The following CLVS1 variants were observed in gnomAD, a reference collection of about 807,000 sequenced individuals.
CLVS1 encodes the protein clavesin-1.
CLVS1 carries 10 observed loss-of-function variants against 33.1 expected under a neutral mutation model. The observed-to-expected ratio is 0.30, with a 90% CI of 0.19 to 0.51. CLVS1 has a LOEUF of 0.51. CLVS1 is among the 20% of genes least tolerant of loss of function. The pLI is 0.97. For synonymous variants in CLVS1, 163 were observed against 166.1 expected (o/e 0.98, Z 0.14); for missense variants, 343 against 433.4 (o/e 0.79, Z 1.85).
In CLVS1 at chr8:61,116,710, G is replaced by A. The variant is rs59662001; in HGVS notation, c.-242-15060G>A. On this transcript the variant is annotated intron_variant, in intron 1 of 2. Coordinates refer to the CLVS1 transcript ENST00000522621. Reference sequence around the variant, plus strand: ...ATGCGGCGTTATTTCTGAGGGCTCTGTTCTGTTCCATTGATCTATATCTCT... The same window carrying A: ...ATGCGGCGTTATTTCTGAGGGCTCTATTCTGTTCCATTGATCTATATCTCT... Among the ~76,000 whole-genome samples the A allele has an allele frequency of 5.5e-3, 800 of 145,658 alleles. 5 individuals carry two copies. The highest frequency in any genetic ancestry group is 0.018 in the African/African-American group (709 of 38,854).
At chr8:61,144,629 C>T (rs1275100324) in intron 2 of CLVS1, among the ~76,000 whole-genome samples, 2 of 152,168 alleles carry the variant, frequency 1.3e-5, no homozygotes, top group African/African-American at 4.8e-5. Context: ...GAGGAATCGC[C>T]ACACTGTCTT....
In CLVS1 at chr8:61,236,027, G is replaced by T. The variant is rs192946982; in HGVS notation, c.-151-63650G>T. On this transcript the variant is annotated intron_variant, in intron 2 of 2. Transcript: ENST00000522621. Reference sequence around the variant, plus strand: ...TGTTGAGAGTTGCTATTGCTGTGAGGGTCCTTTGTGATCCTCCTGGACTGC... The same window carrying T: ...TGTTGAGAGTTGCTATTGCTGTGAGTGTCCTTTGTGATCCTCCTGGACTGC... Among the ~76,000 whole-genome samples the T allele has an allele frequency of 4.6e-5, 7 of 152,194 alleles. No individual in the cohort carries two copies. In the East Asian group the frequency reaches 1.2e-3, roughly 25 times the overall value.
chr8:61,326,670 A>G (rs1811397651), intron 2 of CLVS1, among the ~76,000 whole-genome samples: 1 of 152,174 alleles, frequency 6.6e-6, no homozygotes, highest in African/African-American at 2.4e-5. Flanking sequence ...ACCATTAAAC[A>G]ATGTACCACA....
chr8:60,993,243 G>T, the CLVS1 span, among the ~76,000 whole-genome samples: 1 of 152,242 alleles, frequency 6.6e-6, no homozygotes, highest in Non-Finnish European at 1.5e-5. Flanking sequence ...TTCTGGAACT[G>T]TGAAGAGAGA....
At chr8:61,433,580 A>G (rs1196372648) in intron 3 of CLVS1, among the ~76,000 whole-genome samples, 1 of 152,076 alleles carries the variant, frequency 6.6e-6, no homozygotes, top group Non-Finnish European at 1.5e-5. Context: ...AACTCCTCTG[A>G]TGGAGATGCT....
intron 2 of CLVS1, among the ~76,000 whole-genome samples, chr8:61,142,925 A>G (rs573697723): frequency 6.6e-6 from 1 of 152,226 alleles, no homozygotes; most frequent in Non-Finnish European, 1.5e-5. Flanking sequence ...TAACCACCCA[A>G]GCAAATTAAG....
At chr8:61,082,907 C>T (rs1805047427) in intron 1 of CLVS1, among the ~76,000 whole-genome samples, 1 of 151,986 alleles carries the variant, frequency 6.6e-6, no homozygotes, top group Admixed American at 6.6e-5. Context: ...CATGGTTGCA[C>T]ATGCCTGTAG....
At chr8:61,490,336 A>T (rs1254399540) in intron 5 of CLVS1, among the ~76,000 whole-genome samples, 1 of 151,778 alleles carries the variant, frequency 6.6e-6, no homozygotes, top group Admixed American at 6.6e-5. Flanking sequence ...AAAAAAAAAA[A>T]AGAAGGAAAG....
the CLVS1 span, among the ~76,000 whole-genome samples, chr8:61,001,121 C>A: frequency 2.0e-5 from 3 of 152,130 alleles, no homozygotes; most frequent in Admixed American, 6.5e-5. Context: ...TCCCCTGTGG[C>A]GCCTTTTGCT....
At chr8:61,443,485 C>G (rs2129606302) in intron 3 of CLVS1, among the ~76,000 whole-genome samples, 1 of 152,154 alleles carries the variant, frequency 6.6e-6, no homozygotes, top group Non-Finnish European at 1.5e-5. Flanking sequence ...GCTCCAGCAC[C>G]ATTTGTTGAA....
At chr8:61,087,622 C>T (rs575669261) in intron 1 of CLVS1, among the ~76,000 whole-genome samples, 35 of 152,138 alleles carry the variant, frequency 2.3e-4, no homozygotes, top group Admixed American at 1.9e-3. Context: ...ATTGGATGAA[C>T]GTTGAAGATG....
chr8:61,269,535 T>G (rs1481295700), intron 2 of CLVS1, among the ~76,000 whole-genome samples: 1 of 151,922 alleles, frequency 6.6e-6, no homozygotes, highest in Non-Finnish European at 1.5e-5. Flanking sequence ...TTAAAGTAGT[T>G]TTTTCCAATT....
the CLVS1 span, among the ~76,000 whole-genome samples, chr8:61,020,360 A>G: frequency 1.3e-5 from 2 of 152,132 alleles, no homozygotes; most frequent in African/African-American, 4.8e-5. Flanking sequence ...CAAACATGAG[A>G]TTGTGTTAGC....
chr8:61,171,868 C>T (rs1807008033), intron 2 of CLVS1, among the ~76,000 whole-genome samples: 2 of 152,104 alleles, frequency 1.3e-5, no homozygotes, highest in African/African-American at 4.8e-5. Context: ...GAGCTAAAGT[C>T]AGGTTACTGT....
At chr8:61,357,740 C>T (rs1278693765) in intron 2 of CLVS1, among the ~76,000 whole-genome samples, 2 of 151,758 alleles carry the variant, frequency 1.3e-5, no homozygotes, top group Non-Finnish European at 2.9e-5. Flanking sequence ...CTCTGTTGGC[C>T]AAGCTGGTCT....
At chr8:61,192,443 A>G (rs1397636307) in intron 2 of CLVS1, among the ~76,000 whole-genome samples, 2 of 152,024 alleles carry the variant, frequency 1.3e-5, no homozygotes, top group Non-Finnish European at 2.9e-5. Context: ...ACCAGGCAAT[A>G]CCATTCAGGC....
intron 2 of CLVS1, among the ~76,000 whole-genome samples, chr8:61,137,624 C>A (rs1033198011): frequency 2.0e-5 from 3 of 152,206 alleles, no homozygotes; most frequent in Non-Finnish European, 2.9e-5. Context: ...AAGTCTTACA[C>A]TCTTGCCAGA....
intron 3 of CLVS1, among the ~76,000 whole-genome samples, chr8:61,399,223 G>C (rs1187700198): frequency 6.6e-6 from 1 of 152,064 alleles, no homozygotes; most frequent in East Asian, 1.9e-4. Flanking sequence ...GTCGTTTCTT[G>C]ACTTTTTAAT....
chr8:61,100,301 T>G (rs1404792332), intron 1 of CLVS1, among the ~76,000 whole-genome samples: 2 of 152,346 alleles, frequency 1.3e-5, no homozygotes, highest in African/African-American at 4.8e-5. Flanking sequence ...CACTATTTTA[T>G]TAATCAGTAT....
Sources: allele counts gnomAD v4.1 joint callset (sites outside exome capture counted in the v4.1 genomes callset), GRCh38; gene constraint gnomAD v4.1.1; transcripts MANE v1.5; gene names NCBI Gene and HGNC (gene_info 2026-07-23, HGNC 2026-07-21).